EVA1C: variants seen among roughly 807,000 people sequenced by gnomAD.
EVA1C encodes the protein protein eva-1 homolog C.
EVA1C carries 25 observed loss-of-function variants against 45.4 expected under a neutral mutation model. The observed-to-expected ratio is 0.55, with a 90% CI of 0.40 to 0.77. The LOEUF (loss-of-function observed/expected upper bound fraction) is 0.77. Among genes scored for constraint, EVA1C ranks in the 30% least tolerant of loss-of-function variants. EVA1C has a pLI of 0.00. For synonymous variants in EVA1C, 190 were observed against 221.2 expected (o/e 0.86, Z 1.25); for missense variants, 479 against 554.8 (o/e 0.86, Z 1.37).
chr21:32,461,028 G>C (rs62216210), intron 3 of EVA1C, among the ~76,000 whole-genome samples: 24,828 of 152,274 alleles, frequency 0.16, 2,287 homozygotes, highest in Admixed American at 0.23. Flanking sequence ...TCACAGGCGT[G>C]AACCACAGTG....
At chr21:32,412,272 C>T (rs11909249), upstream of EVA1C, 18,213 of 152,150 alleles carry the variant, frequency 0.12, 1,321 homozygotes, top group East Asian at 0.25. Flanking sequence ...TCCAGGACCC[C>T]ACCTTCCTGC....
intron 3 of EVA1C, among the ~76,000 whole-genome samples, chr21:32,457,970 A>T (rs912925126): frequency 5.3e-5 from 8 of 152,190 alleles, no homozygotes; most frequent in African/African-American, 1.9e-4. Flanking sequence ...GAATTTTAAA[A>T]ATCCTTTCCA....
chr21:32,434,815 C>T (rs980321345), intron 1 of EVA1C, among the ~76,000 whole-genome samples: 1 of 152,278 alleles, frequency 6.6e-6, no homozygotes, highest in African/African-American at 2.4e-5. Context: ...GCCTTCATCT[C>T]AGCCTTCTGG....
intron 3 of EVA1C, among the ~76,000 whole-genome samples, chr21:32,463,357 T>C (rs371379286): frequency 4.6e-5 from 7 of 152,154 alleles, no homozygotes; most frequent in East Asian, 1.9e-4. Context: ...CTGAGACCAA[T>C]TGAGAACTCT....
intron 7 of EVA1C, among the ~76,000 whole-genome samples, chr21:32,506,406 TTGA>T (rs1281511700): frequency 6.6e-6 from 1 of 151,730 alleles, no homozygotes; most frequent in African/African-American, 2.4e-5. Flanking sequence ...ATGTAAGGAC[TTGA>T]TGAGCTGTTA....
At chr21:32,476,087 T>A (rs1401867953) in intron 4 of EVA1C, among the ~76,000 whole-genome samples, 1 of 152,194 alleles carries the variant, frequency 6.6e-6, no homozygotes, top group Non-Finnish European at 1.5e-5. Flanking sequence ...CATTTCCTCA[T>A]ATTTTTGTGG....
chr21:32,429,638 G>GA (rs2034623100), intron 1 of EVA1C, among the ~76,000 whole-genome samples: 2 of 152,164 alleles, frequency 1.3e-5, no homozygotes, highest in Middle Eastern at 3.2e-3. Flanking sequence ...ACAGGTATGA[G>GA]TCACTACACC....
intron 1 of EVA1C, among the ~76,000 whole-genome samples, chr21:32,419,188 G>A (rs1008485846): frequency 3.3e-5 from 5 of 151,992 alleles, no homozygotes; most frequent in Non-Finnish European, 7.4e-5. Context: ...GCGTAGATGA[G>A]TTCATGAGTT....
chr21:32,498,715 G>A (rs1468777680), intron 5 of EVA1C, among the ~76,000 whole-genome samples: 2 of 151,914 alleles, frequency 1.3e-5, no homozygotes, highest in East Asian at 3.9e-4. Flanking sequence ...GAGACGCTGA[G>A]GTTGCTGAGT....
intron 3 of EVA1C, among the ~76,000 whole-genome samples, chr21:32,464,737 G>T (rs975215235): frequency 2.6e-5 from 4 of 152,146 alleles, no homozygotes; most frequent in Non-Finnish European, 5.9e-5. Flanking sequence ...CAGGAGAATC[G>T]CTTGAGCCTG....
chr21:32,508,011 A>G (rs1445425053), intron 7 of EVA1C, among the ~76,000 whole-genome samples: 1 of 150,594 alleles, frequency 6.6e-6, no homozygotes, highest in Non-Finnish European at 1.5e-5. Context: ...GTGTGTACGC[A>G]TGCATGTGTG....
At position 32,501,419 on chromosome 21, in the gene EVA1C, C is replaced by T; in HGVS notation, c.783C>T (p.Pro261=). 1 of 1,587,000 alleles carries T rather than the reference C, an allele frequency of 6.3e-7. No individual in the cohort carries two copies. The highest frequency in any genetic ancestry group is 8.5e-7 in the Non-Finnish European group (1 of 1,176,726). Residue 261 remains proline, a synonymous_variant, in exon 6 of 8, where the codon CCC becomes CCT. Transcript: ENST00000300255. ...TATTTCTTTTTTGGCTTTTAGTTCC[C>T]AAGAACATACTCACAGCGATTGATC... is the stretch of plus-strand genomic sequence containing the variant. ...KYLTVTYACV[P]KNILTAIDPA... is the part of the protein sequence containing the mutation.
At chr21:32,485,334 A>AT (rs2036938372) in intron 4 of EVA1C, among the ~76,000 whole-genome samples, 1 of 151,970 alleles carries the variant, frequency 6.6e-6, no homozygotes, top group African/African-American at 2.4e-5. Context: ...CACCTGGCTA[A>AT]TTTTTTGTAT....
chr21:32,446,144 G>T (rs753839587), intron 1 of EVA1C, among the ~76,000 whole-genome samples: 12 of 152,170 alleles, frequency 7.9e-5, no homozygotes, highest in Non-Finnish European at 1.8e-4. Context: ...TCGGGAGGGT[G>T]AGGCAGGAGA....
chr21:32,424,281 C>A (rs1247600162), intron 1 of EVA1C, among the ~76,000 whole-genome samples: 3 of 152,160 alleles, frequency 2.0e-5, no homozygotes, highest in Non-Finnish European at 4.4e-5. Flanking sequence ...AATCATAAAT[C>A]ATCGTACTGT....
At chr21:32,467,139 T>A (rs370102072) in intron 3 of EVA1C, among the ~76,000 whole-genome samples, 1 of 151,980 alleles carries the variant, frequency 6.6e-6, no homozygotes, top group East Asian at 1.9e-4. Flanking sequence ...GGTAACAGAG[T>A]GAAACCCTGT....
At chr21:32,465,914 A>G (rs1209966658) in intron 3 of EVA1C, among the ~76,000 whole-genome samples, 1 of 152,224 alleles carries the variant, frequency 6.6e-6, no homozygotes, top group African/African-American at 2.4e-5. Flanking sequence ...GAGTAGTGCA[A>G]CCGTGACCAC....
intron 1 of EVA1C, among the ~76,000 whole-genome samples, chr21:32,423,235 A>T (rs2034358734): frequency 6.6e-6 from 1 of 152,136 alleles, no homozygotes; most frequent in Non-Finnish European, 1.5e-5. Context: ...AGCAAAAGTC[A>T]TGAGACACTT....
Position 32,514,856 on chromosome 21 carries a change from G to C in EVA1C, c.992G>C (p.Cys331Ser). 1 of 1,603,146 alleles carries C rather than the reference G, an allele frequency of 6.2e-7. No homozygotes were observed. Among genetic ancestry groups the C allele is most frequent in the Admixed American group, 1.7e-5 (1 of 59,238 alleles). Residue 331 changes from cysteine (C) to serine (S), a missense_variant, in exon 8 of 8, where the codon TGC becomes TCC. Cys to Ser is a moderately radical substitution (Grantham distance 112, BLOSUM62 -1). Coordinates refer to ENST00000300255, the MANE Select transcript of EVA1C (RefSeq NM_058187.5). ...RAALLFVSSV[C>S]IGLALTLCAL... ...GCCCTGCTGTTCGTGTCCAGTGTCT[G>C]CATCGGCCTGGCCCTCACACTGTGC...
Sources: allele counts gnomAD v4.1 joint callset (sites outside exome capture counted in the v4.1 genomes callset), GRCh38; gene constraint gnomAD v4.1.1; transcripts MANE v1.5; gene names NCBI Gene and HGNC (gene_info 2026-07-23, HGNC 2026-07-21).